INPPL1: variants seen among roughly 807,000 people sequenced by gnomAD.
INPPL1 encodes the protein inositol polyphosphate phosphatase like 1, also known as phosphatidylinositol 3,4,5-trisphosphate 5-phosphatase 2.
In INPPL1, 91 loss-of-function variants were observed where a neutral mutation model predicts 139.3. The observed-to-expected ratio is 0.65, with a 90% CI of 0.55 to 0.78. The LOEUF (loss-of-function observed/expected upper bound fraction) is 0.78. Among genes scored for constraint, INPPL1 ranks in the 30% least tolerant of loss-of-function variants. The pLI, the probability that INPPL1 is intolerant of heterozygous loss-of-function variation, is 0.00. For synonymous variants in INPPL1, 719 were observed against 686.6 expected (o/e 1.05, Z -0.74); for missense variants, 1,411 against 1,665.6 (o/e 0.85, Z 2.66).
At position 72,235,822 on chromosome 11, in the gene INPPL1, C is replaced by G; in HGVS notation, c.2739-24C>G. The G allele has an allele frequency of 6.2e-7, 1 of 1,612,954 alleles. No individual in the cohort carries two copies. Among genetic ancestry groups the G allele is most frequent in the South Asian group, 1.1e-5 (1 of 90,962 alleles). ...GGGCATCTGGTCAACCCCACTTCAT[C>G]TCTCTCCTGTGCATCCCTGGCAGGT... On this transcript the variant is annotated intron_variant, in intron 24 of 27. Transcript: ENST00000298229. This position sits in a 1 kb window ranked among gnomAD's most constrained non-coding sequence, Gnocchi z 4.9.
chr11:72,225,838 A>T (rs755892975), intron 1 of INPPL1, among the ~76,000 whole-genome samples: 3 of 152,182 alleles, frequency 2.0e-5, no homozygotes, highest in Non-Finnish European at 4.4e-5. Context: ...GCAGAGCCAG[A>T]CTTGGTGCTT....
rs112903949 is a variant in INPPL1, at chr11:72,234,732, AGTGTGTGTGTGTGT to A, written c.2415+136_2415+149del. 19 of 528,412 alleles carry A rather than the reference AGTGTGTGTGTGTGT, an allele frequency of 3.6e-5. No homozygotes were observed. The highest frequency in any genetic ancestry group is 2.3e-4 in the African/African-American group (11 of 48,502). The allele number at this position is 528,412 out of a possible 1,614,324, so 32.7% of individuals were successfully genotyped here. ...GGGGCCAGCAGAGAGAGAGAGAGAG[AGTGTGTGTGTGTGT>A]GTGTGTGTGTGTGTGTGTATGGGCA... On this transcript the variant is annotated intron_variant, in intron 21 of 27. Transcript: ENST00000298229. The surrounding 1 kb of genome is among the most constrained non-coding windows in gnomAD (Gnocchi z 4.2).
chr11:72,232,835 T>C, intron 15 of INPPL1, 40 bp from the exon 16 acceptor site: 1 of 1,613,602 alleles, frequency 6.2e-7, no homozygotes, highest in Non-Finnish European at 8.5e-7. Context: ...TGGCTCTGGC[T>C]CCGGAGGAAT....
At position 72,235,639 on chromosome 11, in the gene INPPL1, C is replaced by T. The variant is rs374223316; in HGVS notation, c.2660-36C>T. ...TGGGTGTCTGTGGGATCCAGGAGCC[C>T]AGGTCTCCTCTGAGTCTCCCTTCCT... On this transcript the variant is annotated intron_variant, in intron 23 of 27. Coordinates refer to ENST00000298229, the MANE Select transcript of INPPL1 (RefSeq NM_001567.4). The surrounding 1 kb of genome is among the most constrained non-coding windows in gnomAD (Gnocchi z 4.9). The T allele has an allele frequency of 2.5e-5, 40 of 1,611,132 alleles. No individual in the cohort carries two copies. Among genetic ancestry groups the T allele is most frequent in the Middle Eastern group, 1.7e-4 (1 of 6,048 alleles).
Position 72,238,505 on chromosome 11 carries a change from C to G in INPPL1, c.*152C>G. On this transcript the variant is annotated 3_prime_UTR_variant, in exon 28 of 28. Transcript: ENST00000298229. ...ATTTATTGGGGATCTGCATTCCCCG[C>G]TGCCCAATCATTTGCAATGCCCTAA... 1.7e-6 allele frequency: 1 copy of G among 595,998 alleles called. No individual in the cohort carries two copies. Among genetic ancestry groups the G allele is most frequent in the Non-Finnish European group, 2.8e-6 (1 of 362,556 alleles). 36.9% of individuals were successfully genotyped at this position (595,998 alleles called of 1,614,324 possible).
chr11:72,229,120 C>T lies in INPPL1; in HGVS notation c.549C>T (p.His183=), dbSNP rs376676196. The change falls in exon 5 of 28, where the codon CAC becomes CAT. Residue 183 remains histidine, a synonymous_variant. Coordinates refer to ENST00000298229, the MANE Select transcript of INPPL1 (RefSeq NM_001567.4). ...CCAATGGGCTGAGCACCGTCTCGCA[C>T]GACTACCTGAAAGGCAGCTATGGGC... The part of the protein sequence containing the change: ...SAPNGLSTVS[H]DYLKGSYGLD... The T allele has an allele frequency of 3.6e-5, 58 of 1,613,416 alleles. No homozygotes were observed. Among genetic ancestry groups the T allele is most frequent in the Middle Eastern group, 3.3e-4 (2 of 6,084 alleles).
chr11:72,234,303 G>T lies in INPPL1; in HGVS notation c.2235G>T (p.Gln745His). ...CAGGGCTCTCAAAGACTTCAGACCAGGCCTACATTGAGTTTGAGAGCATCG... is the reference window on the plus strand; with the variant it reads ...CAGGGCTCTCAAAGACTTCAGACCATGCCTACATTGAGTTTGAGAGCATCG... ...SKKGLSKTSD[Q>H]AYIEFESIEA... The change falls in exon 20 of 28, where the codon CAG becomes CAT. Residue 745 changes from glutamine (Q) to histidine (H), a missense_variant. This residue lies in a region of INPPL1 where 363 missense variants were observed against 446.2 expected (regional missense o/e 0.81). Coordinates refer to ENST00000298229, the MANE Select transcript of INPPL1 (RefSeq NM_001567.4). The surrounding 1 kb of genome is among the most constrained non-coding windows in gnomAD (Gnocchi z 4.2). 1.2e-6 allele frequency: 2 copies of T among 1,614,028 alleles called. No individual in the cohort carries two copies. Among genetic ancestry groups the T allele is most frequent in the Non-Finnish European group, 1.7e-6 (2 of 1,179,922 alleles).
At position 72,230,204 on chromosome 11, in the gene INPPL1, G is replaced by T. The variant is rs145936996; in HGVS notation, c.1023G>T (p.Gly341=). 5 of 1,612,318 alleles carry T rather than the reference G, an allele frequency of 3.1e-6. No individual in the cohort carries two copies. The highest frequency in any genetic ancestry group is 4.2e-6 in the Non-Finnish European group (5 of 1,178,912). ...KFTLSVDVEG[G]RLVLLRRQRD... ...CGCTGAGCGTGGATGTGGAGGGTGG[G>T]CGGCTGGTGCTGCTGCGGAGACAGC... The change falls in exon 9 of 28, where the codon GGG becomes GGT. Residue 341 remains glycine, a synonymous_variant. Transcript: ENST00000298229.
In INPPL1 at chr11:72,230,911, C is replaced by T; in HGVS notation, c.1300+13C>T. The T allele has an allele frequency of 6.2e-7, 1 of 1,613,598 alleles. No homozygotes were observed. The highest frequency in any genetic ancestry group is 8.5e-7 in the Non-Finnish European group (1 of 1,179,636). ...ACCTGGAACATGGGTCAGGCCCGGG[C>T]TGGGGCTGGGGCGGGAGAGAGGGAT... On this transcript the variant is annotated intron_variant, in intron 11 of 27. Transcript: ENST00000298229.
rs139831915 is a variant in INPPL1, at chr11:72,230,210, G to A, written c.1029G>A (p.Leu343=). Reference sequence around the variant, plus strand: ...GCGTGGATGTGGAGGGTGGGCGGCTGGTGCTGCTGCGGAGACAGCGGGACT... The same window carrying A: ...GCGTGGATGTGGAGGGTGGGCGGCTAGTGCTGCTGCGGAGACAGCGGGACT... The part of the protein sequence containing the change: ...TLSVDVEGGR[L]VLLRRQRDSQ... Residue 343 remains leucine (L), a synonymous_variant, in exon 9 of 28, where the codon CTG becomes CTA. Coordinates refer to ENST00000298229, the MANE Select transcript of INPPL1 (RefSeq NM_001567.4). The A allele has an allele frequency of 2.6e-4, 416 of 1,612,028 alleles. 3 individuals carry two copies. The highest frequency in any genetic ancestry group is 4.2e-5 in the Non-Finnish European group (50 of 1,178,774).
Position 72,235,764 on chromosome 11 carries a change from G to A in INPPL1, c.2738+11G>A, listed in dbSNP as rs1463451681. On this transcript the variant is annotated intron_variant, in intron 24 of 27. Transcript: ENST00000298229. The surrounding 1 kb of genome is among the most constrained non-coding windows in gnomAD (Gnocchi z 4.9). ...GAGCCAGGAGCCCAGGTGAGCTAGG[G>A]CTGTGTTGAATGTCATATGAAAGGG... 3 of 1,614,100 alleles carry A rather than the reference G, an allele frequency of 1.9e-6. No individual in the cohort carries two copies. The highest frequency in any genetic ancestry group is 2.2e-5 in the South Asian group (2 of 91,080).
chr11:72,235,933 G>A lies in INPPL1; in HGVS notation c.2826G>A (p.Gly942=). The change falls in exon 25 of 28, where the codon GGG becomes GGA. Residue 942 remains glycine (G), a synonymous_variant. Coordinates refer to ENST00000298229, the MANE Select transcript of INPPL1 (RefSeq NM_001567.4). The surrounding 1 kb of genome is among the most constrained non-coding windows in gnomAD (Gnocchi z 4.9). ...FEEPEKPPPT[G]RPPAPPRAAP... ...AACCAGAGAAACCGCCACCAACGGG[G>A]AGGCCCCCAGCCCCACCCCGAGCAG... 1 of 1,612,568 alleles carries A rather than the reference G, an allele frequency of 6.2e-7. No individual in the cohort carries two copies. Among genetic ancestry groups the A allele is most frequent in the Non-Finnish European group, 8.5e-7 (1 of 1,179,600 alleles).
At position 72,237,134 on chromosome 11, in the gene INPPL1, G is replaced by T; in HGVS notation, c.2890G>T (p.Glu964Ter). 6.3e-7 allele frequency: 1 copy of T among 1,586,766 alleles called. No homozygotes were observed. Residue 964 changes from glutamate to a stop codon, truncating the protein, a stop_gained, in exon 26 of 28, where the codon GAG becomes TAG. Transcript: ENST00000298229. LOFTEE classifies it high-confidence loss of function. ...EEPLTPRLKP[E>*]GAPEPEGVAA... Reference sequence around the variant, plus strand: ...TGCTTCCACACCCAGGTTGAAGCCAGAGGGAGCTCCTGAACCAGAAGGGGT... The same window carrying T: ...TGCTTCCACACCCAGGTTGAAGCCATAGGGAGCTCCTGAACCAGAAGGGGT...
Position 72,238,361 on chromosome 11 carries a change from G to C in INPPL1, c.*8G>C, listed in dbSNP as rs776365197. 12 of 1,534,112 alleles carry C rather than the reference G, an allele frequency of 7.8e-6. No homozygotes were observed. Among genetic ancestry groups the C allele is most frequent in the Admixed American group, 4.2e-5 (2 of 47,604 alleles). ...CTGCAGCTCAGCAAGTGATAGCGGA[G>C]GCACCACGAAGCTGTGAACTCAGAG... On this transcript the variant is annotated 3_prime_UTR_variant, in exon 28 of 28. Coordinates refer to ENST00000298229, the MANE Select transcript of INPPL1 (RefSeq NM_001567.4).
chr11:72,225,186 C>T lies in INPPL1; in HGVS notation c.182+20C>T. The T allele has an allele frequency of 2.1e-6, 2 of 947,452 alleles. No individual in the cohort carries two copies. Among genetic ancestry groups the T allele is most frequent in the Non-Finnish European group, 2.7e-6 (2 of 733,630 alleles). 58.7% of individuals were successfully genotyped at this position (947,452 alleles called of 1,614,324 possible). ...CGTCCTGTGAGTGGGGCGGGGGCTC[C>T]TTGCGGGCTGGCGTGGACCGGGAGC... is the stretch of plus-strand genomic sequence containing the variant. On this transcript the variant is annotated intron_variant, in intron 1 of 27. Transcript: ENST00000298229.
chr11:72,234,524 C>CCCAAAA lies in INPPL1; in HGVS notation c.2327-3_2327-2insCCAAAA. ...AGTTGGGTGTCTCCCACCCCCACCC[C>CCCAAAA]AGAATACAAGAAGAGCTTTGAGAAT... is the stretch of plus-strand genomic sequence containing the variant. On this transcript the variant is annotated splice_polypyrimidine_tract_variant and splice_region_variant and intron_variant, in intron 20 of 27. Coordinates refer to ENST00000298229, the MANE Select transcript of INPPL1 (RefSeq NM_001567.4). The surrounding 1 kb of genome is among the most constrained non-coding windows in gnomAD (Gnocchi z 4.2). The CCCAAAA allele has an allele frequency of 1.2e-6, 2 of 1,610,010 alleles. No homozygotes were observed. Among genetic ancestry groups the CCCAAAA allele is most frequent in the Non-Finnish European group, 1.7e-6 (2 of 1,176,390 alleles).
chr11:72,227,989 G>GA, intron 1 of INPPL1: 1 of 438,100 alleles, frequency 2.3e-6, no homozygotes, highest in Non-Finnish European at 4.1e-6. Context: ...GGGTGTTCTG[G>GA]TCATTCCTGC....
chr11:72,237,488 G>A lies in INPPL1; in HGVS notation c.3244G>A (p.Gly1082Arg), dbSNP rs377723450. ...AGGGCCAGTGGTCCGGGGCCGTGGT[G>A]GGGCTGAGGCCCGTGGCCCACCACC... is the stretch of plus-strand genomic sequence containing the variant. ...LPGPVVRGRG[G>R]AEARGPPPPK... The change falls in exon 26 of 28, where the codon GGG (glycine) becomes AGG (arginine). Residue 1082 changes from glycine to arginine, a missense_variant. Gly to Arg is a moderately radical substitution (Grantham distance 125). Coordinates refer to ENST00000298229, the MANE Select transcript of INPPL1 (RefSeq NM_001567.4). The A allele has an allele frequency of 7.8e-5, 125 of 1,609,718 alleles. No homozygotes were observed. Among genetic ancestry groups the A allele is most frequent in the Non-Finnish European group, 9.6e-5 (113 of 1,177,550 alleles).
rs765778118 is a variant in INPPL1, at chr11:72,234,360, G to A, written c.2292G>A (p.Lys764=). Residue 764 remains lysine (K), a synonymous_variant, in exon 20 of 28, where the codon AAG becomes AAA. Transcript: ENST00000298229. This position sits in a 1 kb window ranked among gnomAD's most constrained non-coding sequence, Gnocchi z 4.2. The part of the protein sequence containing the change: ...EAIVKTASRT[K]FFIEFYSTCL... ...TTGTGAAGACAGCCAGCCGCACCAA[G>A]TTCTTCATCGAGTTCTACTCTACCT... 61 of 1,614,036 alleles carry A rather than the reference G, an allele frequency of 3.8e-5. No homozygotes were observed. The Admixed American group carries it at 9.3e-4, about 25-fold the overall frequency.
Sources: allele counts gnomAD v4.1 joint callset (sites outside exome capture counted in the v4.1 genomes callset), GRCh38; gene constraint gnomAD v4.1.1; regional missense constraint gnomAD v4.1.1; non-coding constraint Gnocchi (gnomAD v3.1); transcripts MANE v1.5; gene names NCBI Gene and HGNC (gene_info 2026-07-23, HGNC 2026-07-21).